CMIP: variants seen among roughly 807,000 people sequenced by gnomAD.
CMIP encodes the protein c-Maf inducing protein, also known as C-Maf-inducing protein.
Under a neutral mutation model 97.3 loss-of-function variants are expected in CMIP, and 13 were observed. That is an observed-to-expected ratio of 0.13 (90% CI 0.09 to 0.21). The LOEUF (loss-of-function observed/expected upper bound fraction) is 0.21, where lower values mean the gene tolerates loss of function less well. CMIP is among the 10% of genes least tolerant of loss of function. The pLI is 1.00. For synonymous variants in CMIP, 538 were observed against 436.3 expected (o/e 1.23, Z -2.91); for missense variants, 847 against 1,024.9 (o/e 0.83, Z 2.37).
At chr16:81,523,825 T>C (rs1035986653) in intron 1 of CMIP, among the ~76,000 whole-genome samples, 3 of 152,216 alleles carry the variant, frequency 2.0e-5, no homozygotes, top group African/African-American at 7.2e-5. Flanking sequence ...CAGACACAGC[T>C]TCCTTTAGCT....
Position 81,702,622 on chromosome 16 carries a change from C to G in CMIP, c.1897C>G (p.Gln633Glu). The stretch of plus-strand genomic sequence containing the variant: ...GTAACCAGCCTGGTTTCTGTTGCAG[C>G]AAAGGAAAGGCGGGCCCACCAGGCT... ...CDRQRELKEL[Q>E]RKGGPTRLTL... Residue 633 changes from glutamine to glutamate, a missense_variant and splice_region_variant, in exon 17 of 21, where the codon CAA (glutamine) becomes GAA (glutamate). Around this residue, in one of 4 missense-constraint regions of CMIP, gnomAD observed 266 missense variants for 384.2 expected, o/e 0.69. Transcript: ENST00000537098. 2 of 1,613,354 alleles carry G rather than the reference C, an allele frequency of 1.2e-6. No homozygotes were observed. The highest frequency in any genetic ancestry group is 1.7e-6 in the Non-Finnish European group (2 of 1,179,618).
chr16:81,618,076 C>T (rs1193816715), intron 2 of CMIP, among the ~76,000 whole-genome samples: 2 of 152,278 alleles, frequency 1.3e-5, no homozygotes, highest in East Asian at 1.9e-4. Context: ...TTATACCAAC[C>T]TGGTTGTACC....
At position 81,674,801 on chromosome 16, in the gene CMIP, G is replaced by T. The variant is rs1182615449; in HGVS notation, c.1034+2731G>T. ...GGGTTTTACTTTGTTGGCCAGGCTG[G>T]TCTCGAACTCCTGACCTCAGGTGAT... On this transcript the variant is annotated intron_variant, in intron 9 of 20. Coordinates refer to ENST00000537098, the MANE Select transcript of CMIP (RefSeq NM_198390.3). Among the ~76,000 whole-genome samples, 3 of 151,760 alleles carry T rather than the reference G, an allele frequency of 2.0e-5. No homozygotes were observed. The East Asian group carries it at 5.9e-4, about 30-fold the overall frequency.
intron 19 of CMIP, 134 bp downstream of exon 19, chr16:81,705,738 C>T (rs1908061758): frequency 1.6e-6 from 1 of 608,260 alleles, no homozygotes; most frequent in Non-Finnish European, 2.9e-6. Flanking sequence ...AACGTGTTCA[C>T]TGCACACCTG....
In CMIP at chr16:81,676,086, G is replaced by A. The variant is rs569467411; in HGVS notation, c.1035-2189G>A. 3.3e-5 allele frequency among the ~76,000 whole-genome samples: 5 copies of A among 152,306 alleles called. No homozygotes were observed. In the South Asian group the frequency reaches 6.2e-4, roughly 19 times the overall value. Reference sequence around the variant, plus strand: ...GAGGAGGATGGAGTAGGGGGCAGGCGTGACCCTGGGGAACGGTTAGGTGGC... The same window carrying A: ...GAGGAGGATGGAGTAGGGGGCAGGCATGACCCTGGGGAACGGTTAGGTGGC... On this transcript the variant is annotated intron_variant, in intron 9 of 20. Transcript: ENST00000537098.
intron 1 of CMIP, among the ~76,000 whole-genome samples, chr16:81,545,342 A>AAG (rs1392254577): frequency 1.3e-5 from 2 of 152,182 alleles, no homozygotes; most frequent in Non-Finnish European, 2.9e-5. Flanking sequence ...TGGTGCCTGG[A>AAG]AGAGGGTGGG....
intron 1 of CMIP, among the ~76,000 whole-genome samples, chr16:81,507,245 C>G (rs1257475096): frequency 6.6e-6 from 1 of 152,208 alleles, no homozygotes; most frequent in Non-Finnish European, 1.5e-5. Flanking sequence ...CAGAGCTAGA[C>G]TCTGTCTTAA....
At chr16:81,603,071 T>C (rs1220397834) in intron 1 of CMIP, among the ~76,000 whole-genome samples, 1 of 152,008 alleles carries the variant, frequency 6.6e-6, no homozygotes, top group Non-Finnish European at 1.5e-5. Flanking sequence ...AGCAGCAGTT[T>C]TTTTTGTTTG....
At chr16:81,479,851 A>G (rs1480059363) in intron 1 of CMIP, among the ~76,000 whole-genome samples, 3 of 152,190 alleles carry the variant, frequency 2.0e-5, no homozygotes, top group Admixed American at 2.0e-4. Flanking sequence ...TTGCATTTGC[A>G]TATATTAGGC....
rs531754646 is a variant in CMIP at position 81,614,943 on chromosome 16, G to A, written c.427-5933G>A. 7.7e-3 allele frequency among the ~76,000 whole-genome samples: 1,175 copies of A among 151,712 alleles called. 14 individuals carry two copies. The highest frequency in any genetic ancestry group is 0.026 in the African/African-American group (1,063 of 41,322). On this transcript the variant is annotated intron_variant, in intron 2 of 20. Transcript: ENST00000537098. The surrounding 1 kb of genome is among the most constrained non-coding windows in gnomAD (Gnocchi z 5.3). ...CATAGTGTGTATCTCTGTGTGTGGT[G>A]TGTGCATGTGTGTGGTGTGTTGTGT...
At chr16:81,476,677 A>T (rs1597460971) in intron 1 of CMIP, among the ~76,000 whole-genome samples, 1 of 152,314 alleles carries the variant, frequency 6.6e-6, no homozygotes, top group East Asian at 1.9e-4. Flanking sequence ...CCATTGTATG[A>T]AGAAGCCGTG....
At chr16:81,565,314 C>G (rs372958703) in intron 1 of CMIP, among the ~76,000 whole-genome samples, 1 of 152,198 alleles carries the variant, frequency 6.6e-6, no homozygotes, top group Admixed American at 6.5e-5. Context: ...GAAGAGGAGC[C>G]TCTCTCCCTG....
chr16:81,471,885 A>G (rs1907581330), intron 1 of CMIP, among the ~76,000 whole-genome samples: 2 of 152,236 alleles, frequency 1.3e-5, no homozygotes, highest in African/African-American at 4.8e-5. Context: ...GACAAGATGC[A>G]GCAGGACAGT....
chr16:81,686,983 C>T (rs1905468978), intron 10 of CMIP, among the ~76,000 whole-genome samples: 1 of 152,020 alleles, frequency 6.6e-6, no homozygotes, highest in South Asian at 2.1e-4. Context: ...GCAGCGCCTC[C>T]CCAACACAGA....
chr16:81,504,197 G>A (rs1317570430), intron 1 of CMIP, among the ~76,000 whole-genome samples: 1 of 152,092 alleles, frequency 6.6e-6, no homozygotes, highest in Admixed American at 6.5e-5. Context: ...GTGGTCGTGG[G>A]CGCCAGTAAT....
rs374194798 is a variant in CMIP at position 81,590,997 on chromosome 16, A to G, written c.301-16570A>G. Among the ~76,000 whole-genome samples, 27 of 152,378 alleles carry G rather than the reference A, an allele frequency of 1.8e-4. 1 individual carries two copies. The East Asian group carries it at 2.3e-3, about 13-fold the overall frequency. On this transcript the variant is annotated intron_variant, in intron 1 of 20. Transcript: ENST00000537098. ...TTGTCTGTGGCTGCTTTCACACCACAACAGCACTGCTGACAGTTGTGAGAC... is the reference window on the plus strand; with the variant it reads ...TTGTCTGTGGCTGCTTTCACACCACGACAGCACTGCTGACAGTTGTGAGAC...
chr16:81,660,905 A>G lies in CMIP; in HGVS notation c.703A>G (p.Asn235Asp). The G allele has an allele frequency of 6.2e-7, 1 of 1,613,954 alleles. No homozygotes were observed. Among genetic ancestry groups the G allele is most frequent in the African/African-American group, 1.3e-5 (1 of 75,038 alleles). ...IIVAIAPLLE[N>D]NHPPPDLCEF... ...TCAGGCAATCGCTCCTTTGCTGGAA[A>G]ACAACCACCCACCACCAGATCTCTG... The change falls in exon 6 of 21, where the codon AAC becomes GAC. Residue 235 changes from asparagine (N) to aspartate (D), a missense_variant. Asn to Asp is a conservative substitution (Grantham distance 23). This residue lies in a region of CMIP where 285 missense variants were observed against 392.2 expected (regional missense o/e 0.73). Coordinates refer to ENST00000537098, the MANE Select transcript of CMIP (RefSeq NM_198390.3).
chr16:81,692,255 T>C lies in CMIP; in HGVS notation c.1454+415T>C, dbSNP rs532995393. Among the ~76,000 whole-genome samples, 2 of 152,260 alleles carry C rather than the reference T, an allele frequency of 1.3e-5. 1 individual carries two copies. Among genetic ancestry groups the C allele is most frequent in the Non-Finnish European group, 2.9e-5 (2 of 68,052 alleles). The stretch of plus-strand genomic sequence containing the variant: ...AGATAATGCGCGTAGCATTGCTCGC[T>C]GTGCCGTACTGAGATGCTGGAAGCG... On this transcript the variant is annotated intron_variant, in intron 11 of 20. Coordinates refer to ENST00000537098, the MANE Select transcript of CMIP (RefSeq NM_198390.3).
At chr16:81,605,929 A>G (rs903236799) in intron 1 of CMIP, among the ~76,000 whole-genome samples, 3 of 152,206 alleles carry the variant, frequency 2.0e-5, no homozygotes, top group Non-Finnish European at 4.4e-5. Context: ...TGAATTGATC[A>G]ATCTTTTGTA....
Sources: allele counts gnomAD v4.1 joint callset (sites outside exome capture counted in the v4.1 genomes callset), GRCh38; gene constraint gnomAD v4.1.1; regional missense constraint gnomAD v4.1.1; non-coding constraint Gnocchi (gnomAD v3.1); transcripts MANE v1.5; gene names NCBI Gene and HGNC (gene_info 2026-07-23, HGNC 2026-07-21).